SHPRH: variants seen among roughly 807,000 people sequenced by gnomAD.
The protein encoded by SHPRH is E3 ubiquitin-protein ligase SHPRH.
In SHPRH, 106 loss-of-function variants were observed where a neutral mutation model predicts 202.5. That is an observed-to-expected ratio of 0.52 (90% CI 0.45 to 0.62). The LOEUF is 0.62. SHPRH is among the 20% of genes least tolerant of loss of function. The pLI is 0.00. For missense variants in SHPRH, 1,710 were observed against 2,020.0 expected (o/e 0.85, Z 2.94); for synonymous variants, 729 against 686.0 (o/e 1.06, Z -0.98).
intron 10 of SHPRH, 82 bp downstream of exon 10, chr6:145,941,541 A>C: frequency 6.4e-7 from 1 of 1,555,484 alleles, no homozygotes; most frequent in South Asian, 1.2e-5. Context: ...AACTATGCTT[A>C]AACTATTAAA....
chr6:145,962,922 C>A (rs1016822885), intron 1 of SHPRH, among the ~76,000 whole-genome samples: 14 of 152,106 alleles, frequency 9.2e-5, no homozygotes, highest in Non-Finnish European at 1.8e-4. Flanking sequence ...TTTAAAAATG[C>A]CCTCATAAGA....
At chr6:145,900,791 C>T (rs925301424) in intron 25 of SHPRH, among the ~76,000 whole-genome samples, 17 of 151,990 alleles carry the variant, frequency 1.1e-4, no homozygotes, top group African/African-American at 2.2e-4. Flanking sequence ...GTAAATCTTA[C>T]GTAAATTATT....
chr6:145,864,428 G>A, exon 3 of SHPRH: 1 of 403,770 alleles, frequency 2.5e-6, no homozygotes, highest in Non-Finnish European at 5.3e-6. Flanking sequence ...CAGTTGTCAG[G>A]GACCAGGGGT....
intron 6 of SHPRH, among the ~76,000 whole-genome samples, chr6:145,947,200 T>C (rs1353519823): frequency 6.6e-6 from 1 of 152,008 alleles, no homozygotes. Flanking sequence ...GACAAAACAT[T>C]TGAGGAGTCA....
chr6:145,922,704 T>G lies in SHPRH; in HGVS notation c.3678A>C (p.Ala1226=), dbSNP rs767483567. 2.1e-5 allele frequency: 34 copies of G among 1,611,676 alleles called. No individual in the cohort carries two copies. The highest frequency in any genetic ancestry group is 2.8e-5 in the Non-Finnish European group (33 of 1,178,606). Residue 1226 remains alanine (A), a synonymous_variant, in exon 19 of 30, where the codon GCA becomes GCC. Transcript: ENST00000275233. ...GPPSRNVIES[A]TVCHLRPARL... ...TGGCTGGTCGGAGGTGACAGACTGT[T>G]GCAGACTCAATAACATTACGAGATG...
At chr6:145,898,884 T>C (rs939238529) in intron 25 of SHPRH, among the ~76,000 whole-genome samples, 3 of 152,124 alleles carry the variant, frequency 2.0e-5, no homozygotes, top group Non-Finnish European at 4.4e-5. Context: ...TAATTACAGC[T>C]CACTGCAACC....
At chr6:145,899,840 A>G (rs1583331476) in intron 25 of SHPRH, among the ~76,000 whole-genome samples, 1 of 152,310 alleles carries the variant, frequency 6.6e-6, no homozygotes, top group East Asian at 1.9e-4. Context: ...AAATGGGCAA[A>G]GGACCTGAAA....
intron 2 of SHPRH, chr6:145,871,533 A>G (rs548423759): frequency 6.6e-6 from 1 of 152,334 alleles, no homozygotes; most frequent in Admixed American, 6.5e-5. Flanking sequence ...AGCACTGCTC[A>G]AAGAAATCAG....
chr6:145,941,087 GC>G (rs1398033192), intron 10 of SHPRH, among the ~76,000 whole-genome samples: 1 of 152,126 alleles, frequency 6.6e-6, no homozygotes, highest in Admixed American at 6.6e-5. Flanking sequence ...ACTGATCCAT[GC>G]CCTGCATCAC....
At chr6:145,917,483 T>C (rs550319495) in intron 23 of SHPRH, 1 of 152,290 alleles carries the variant, frequency 6.6e-6, no homozygotes, top group Admixed American at 6.5e-5. Flanking sequence ...TAAGTATATG[T>C]TATACCAGTT....
chr6:145,936,752 G>A (rs1213445305), intron 11 of SHPRH, among the ~76,000 whole-genome samples: 3 of 152,128 alleles, frequency 2.0e-5, no homozygotes, highest in Non-Finnish European at 4.4e-5. Context: ...TTCTGAAGAT[G>A]ATCAACAAAT....
At chr6:145,906,657 GTCTT>G (rs1381580578) in intron 25 of SHPRH, 2 of 152,050 alleles carry the variant, frequency 1.3e-5, no homozygotes, top group Admixed American at 1.3e-4. Flanking sequence ...AAAAAGTGAT[GTCTT>G]TCTGTTTTCA....
chr6:145,904,945 A>T (rs1221755936), intron 25 of SHPRH: 1 of 152,120 alleles, frequency 6.6e-6, no homozygotes, highest in African/African-American at 2.4e-5. Context: ...CAGCACATGT[A>T]ACTGTGCCAA....
At chr6:145,899,613 T>C (rs945343549) in intron 25 of SHPRH, among the ~76,000 whole-genome samples, 3 of 152,134 alleles carry the variant, frequency 2.0e-5, no homozygotes, top group Admixed American at 2.0e-4. Flanking sequence ...GTAAAGACTT[T>C]TTGGATATGA....
In SHPRH at chr6:145,945,565, T is replaced by C. The variant is rs1787279680; in HGVS notation, c.1394A>G (p.Tyr465Cys). The C allele has an allele frequency of 6.2e-7, 1 of 1,613,020 alleles. No individual in the cohort carries two copies. Among genetic ancestry groups the C allele is most frequent in the Non-Finnish European group, 8.5e-7 (1 of 1,179,482 alleles). The change falls in exon 8 of 30, where the codon TAT becomes TGT. Residue 465 changes from tyrosine to cysteine, a missense_variant. Physicochemically the swap from Tyr to Cys is radical, Grantham distance 194. This residue lies in a region of SHPRH where 348 missense variants were observed against 356.9 expected (regional missense o/e 0.97). Transcript: ENST00000275233. ...GKKGVSILSI[Y>C]KYVSSIYRYD... ...TCTATATATAGAACTGACATACTTA[T>C]AGATGGAAAGGATGGACACTCCTTT...
intron 1 of SHPRH, among the ~76,000 whole-genome samples, chr6:145,956,409 TG>T (rs950243271): frequency 6.6e-6 from 1 of 152,084 alleles, no homozygotes; most frequent in African/African-American, 2.4e-5. Flanking sequence ...CTCTCCAGAT[TG>T]GCCCTATTTC....
chr6:145,886,868 C>A lies in SHPRH; in HGVS notation c.4956-81G>T, dbSNP rs1449795084. On this transcript the variant is annotated intron_variant, in intron 29 of 29. Transcript: ENST00000275233. ...TATATTTGTAGTAATACGAACTAGACACATATTTTTTCTTAAGTTTTTGTA... is the reference window on the plus strand; with the variant it reads ...TATATTTGTAGTAATACGAACTAGAAACATATTTTTTCTTAAGTTTTTGTA... The A allele has an allele frequency of 2.0e-5, 28 of 1,420,486 alleles. No homozygotes were observed. In the East Asian group the frequency reaches 6.5e-4, roughly 33 times the overall value. The allele number at this position is 1,420,486 out of a possible 1,614,324, so 88.0% of individuals were successfully genotyped here.
Position 145,921,333 on chromosome 6 carries a change from T to C in SHPRH, c.3842A>G (p.Asp1281Gly). 9.3e-6 allele frequency: 15 copies of C among 1,612,870 alleles called. No homozygotes were observed. Among genetic ancestry groups the C allele is most frequent in the East Asian group, 2.2e-5 (1 of 44,810 alleles). Residue 1281 changes from aspartate to glycine, a missense_variant, in exon 21 of 30, where the codon GAT becomes GGT. Asp to Gly is a moderately conservative substitution (Grantham distance 94). Transcript: ENST00000275233. The part of the protein sequence containing the change: ...EMIEDEEGLV[D>G]DRAPTTTRGL... ...CCGGGTGGTGGTAGGTGCTCGATCA[T>C]CCACCAGTCCTTCTTCATCTTCTAT...
At chr6:145,931,747 GTCTACCTTCATATAATAT>G (rs1785474354) in intron 14 of SHPRH, among the ~76,000 whole-genome samples, 1 of 152,050 alleles carries the variant, frequency 6.6e-6, no homozygotes, top group Non-Finnish European at 1.5e-5. Flanking sequence ...GTCACACACA[GTCTACCTTCATATAATAT>G]TATACCTCTT....
Sources: gnomAD v4.1 joint callset for allele counts (sites outside exome capture counted in the v4.1 genomes callset) on GRCh38, gnomAD v4.1.1 for gene constraint, gnomAD v4.1.1 regional missense constraint, MANE v1.5 for transcripts, NCBI Gene and HGNC (gene_info 2026-07-23, HGNC 2026-07-21) for gene names.